Variants in MMD2 observed in about 807,000 individuals in gnomAD.
The protein encoded by MMD2 is monocyte to macrophage differentiation factor 2.
In MMD2, 30 loss-of-function variants were observed where a neutral mutation model predicts 33.5. That is an observed-to-expected ratio of 0.90 (90% CI 0.67 to 1.22). MMD2 has a LOEUF of 1.22. Ranked by LOEUF, MMD2 falls within the 50% of genes most tolerant of loss-of-function variation. MMD2 has a pLI of 0.00. For missense variants in MMD2, 364 were observed against 325.4 expected (o/e 1.12, Z -0.91); for synonymous variants, 129 against 123.0 (o/e 1.05, Z -0.32).
intron 4 of MMD2, 117 bp downstream of exon 4, chr7:4,915,888 T>G: frequency 1.0e-6 from 1 of 996,324 alleles, no homozygotes; most frequent in African/African-American, 1.7e-5. Flanking sequence ...GGCGGGAAGC[T>G]TTTAACCTAA....
At chr7:4,952,033 G>A (rs2115162106) in intron 1 of MMD2, among the ~76,000 whole-genome samples, 1 of 152,284 alleles carries the variant, frequency 6.6e-6, no homozygotes, top group African/African-American at 2.4e-5. Flanking sequence ...ATCATGCTCG[G>A]CCTCAACAAG....
chr7:4,924,821 G>A (rs996149296), intron 2 of MMD2, among the ~76,000 whole-genome samples: 1 of 152,196 alleles, frequency 6.6e-6, no homozygotes, highest in Non-Finnish European at 1.5e-5. Context: ...TCAAGTGTTT[G>A]AGCCTGAGAG....
chr7:4,896,852 ATTCTT>A, the MMD2 span, among the ~76,000 whole-genome samples: 92 of 150,870 alleles, frequency 6.1e-4, no homozygotes, highest in African/African-American at 2.0e-3. Context: ...ATTTTTCTCT[ATTCTT>A]TTCTTTTCTT....
chr7:4,935,911 G>A (rs374050519), intron 1 of MMD2, among the ~76,000 whole-genome samples: 14 of 152,060 alleles, frequency 9.2e-5, no homozygotes, highest in South Asian at 8.3e-4. Context: ...TGGGCCGGGC[G>A]CGATGGCTCA....
rs748691601 is a variant in MMD2 at position 4,911,197 on chromosome 7, C to A, written c.415G>T (p.Val139Phe). Residue 139 changes from valine (V) to phenylalanine (F), a missense_variant, in exon 5 of 7, where the codon GTC becomes TTC. Physicochemically the swap from Val to Phe is conservative, Grantham distance 50. Transcript: ENST00000401401. ...GPWASHMRWL[V>F]WIMASVGTIY... ...GTGCCCACGGAAGCCATAATCCAGA[C>A]CAGCCAGCGCATGTGGGAGGCCCAG... The A allele has an allele frequency of 1.9e-6, 3 of 1,602,516 alleles. No homozygotes were observed. The highest frequency in any genetic ancestry group is 2.6e-6 in the Non-Finnish European group (3 of 1,175,048).
intron 1 of MMD2, among the ~76,000 whole-genome samples, chr7:4,930,536 C>G (rs141965496): frequency 6.7e-6 from 1 of 149,340 alleles, no homozygotes; most frequent in Admixed American, 6.7e-5. Flanking sequence ...CCCAGCTACT[C>G]GGGAGGCTGA....
At chr7:4,950,230 C>G (rs1295880153) in intron 1 of MMD2, among the ~76,000 whole-genome samples, 1 of 152,062 alleles carries the variant, frequency 6.6e-6, no homozygotes, top group African/African-American at 2.4e-5. Context: ...TCCTGAGTAG[C>G]TGGGATTACA....
At position 4,931,422 on chromosome 7, in the gene MMD2, G is replaced by T. The variant is rs1041172699; in HGVS notation, c.48-5890C>A. On this transcript the variant is annotated intron_variant, in intron 1 of 6. Transcript: ENST00000401401. The stretch of plus-strand genomic sequence containing the variant: ...CCCACCTCAGCCTCCCAAAGTGTTG[G>T]GATTACAGGCATGAGCCACTGCGCC... 1.4e-5 allele frequency among the ~76,000 whole-genome samples: 2 copies of T among 147,322 alleles called. 1 individual carries two copies. The highest frequency in any genetic ancestry group is 7.8e-3 in the Middle Eastern group (2 of 256).
chr7:4,950,106 T>TG (rs1786200640), intron 1 of MMD2, among the ~76,000 whole-genome samples: 1 of 144,168 alleles, frequency 6.9e-6, no homozygotes, highest in Admixed American at 7.0e-5. Flanking sequence ...TGTGTGTGTG[T>TG]TGTGTGTGTG....
chr7:4,952,029 C>T (rs1430755087), intron 1 of MMD2, among the ~76,000 whole-genome samples: 1 of 152,210 alleles, frequency 6.6e-6, no homozygotes, highest in African/African-American at 2.4e-5. Context: ...AGCCATCATG[C>T]TCGGCCTCAA....
chr7:4,954,254 G>A (rs574426138), intron 1 of MMD2, among the ~76,000 whole-genome samples: 11 of 152,160 alleles, frequency 7.2e-5, no homozygotes, highest in South Asian at 2.1e-4. Context: ...ATCCCTGTCC[G>A]TGTCTTTTAC....
intron 3 of MMD2, among the ~76,000 whole-genome samples, chr7:4,916,811 C>T (rs1187101410): frequency 6.6e-6 from 1 of 152,086 alleles, no homozygotes; most frequent in Non-Finnish European, 1.5e-5. Flanking sequence ...TGGCTCACAC[C>T]TGTAATTCCA....
chr7:4,920,194 G>C lies in MMD2; in HGVS notation c.267C>G (p.Ile89Met), dbSNP rs1320351860. ...ACCTGAGGTGGCTCTTCTTCCAGGA[G>C]ATGGTGTGAAACACAGTGGACACCA... is the stretch of plus-strand genomic sequence containing the variant. ...LFVVSTVFHT[I>M]SWKKSHLRMV... The change falls in exon 3 of 7, where the codon ATC becomes ATG. Residue 89 changes from isoleucine to methionine, a missense_variant. Coordinates refer to ENST00000401401, the MANE Select transcript of MMD2 (RefSeq NM_198403.4). 5 of 1,568,004 alleles carry C rather than the reference G, an allele frequency of 3.2e-6. No individual in the cohort carries two copies. Among genetic ancestry groups the C allele is most frequent in the Admixed American group, 1.9e-5 (1 of 52,454 alleles).
intron 6 of MMD2, among the ~76,000 whole-genome samples, chr7:4,908,983 G>A (rs1307757674): frequency 6.6e-6 from 1 of 151,744 alleles, no homozygotes; most frequent in Non-Finnish European, 1.5e-5. Context: ...GGTGATGGAC[G>A]CACGACAATG....
chr7:4,899,694 C>T, the MMD2 span, among the ~76,000 whole-genome samples: 3 of 152,108 alleles, frequency 2.0e-5, no homozygotes, highest in Admixed American at 2.0e-4. Flanking sequence ...CCTCGCCCAG[C>T]GTGGAAAATG....
intron 1 of MMD2, among the ~76,000 whole-genome samples, chr7:4,957,298 T>C (rs1048223944): frequency 1.4e-4 from 21 of 151,548 alleles, no homozygotes; most frequent in African/African-American, 4.8e-4. Context: ...TGAACCATGA[T>C]TGTGCCACTG....
chr7:4,954,549 C>T (rs547382256), intron 1 of MMD2, among the ~76,000 whole-genome samples: 1 of 152,184 alleles, frequency 6.6e-6, no homozygotes, highest in South Asian at 2.1e-4. Context: ...TCCTGAGTAA[C>T]TGGGACTACA....
chr7:4,897,273 C>G, the MMD2 span, among the ~76,000 whole-genome samples: 2 of 141,734 alleles, frequency 1.4e-5, no homozygotes, highest in Non-Finnish European at 3.0e-5. Flanking sequence ...AGTGAGACAT[C>G]TTGATTTTTT....
At chr7:4,927,583 T>G (rs921618231) in intron 1 of MMD2, among the ~76,000 whole-genome samples, 1 of 151,984 alleles carries the variant, frequency 6.6e-6, no homozygotes, top group African/African-American at 2.4e-5. Context: ...GCCACAGGCC[T>G]GTAATCGCAG....
Sources: gnomAD v4.1 joint callset for allele counts (sites outside exome capture counted in the v4.1 genomes callset) on GRCh38, gnomAD v4.1.1 for gene constraint, MANE v1.5 for transcripts, NCBI Gene and HGNC (gene_info 2026-07-23, HGNC 2026-07-21) for gene names.